Variants in PIAS1 observed in about 807,000 individuals in gnomAD.
The protein encoded by PIAS1 is E3 SUMO-protein ligase PIAS1.
In PIAS1, 6 loss-of-function variants were observed where a neutral mutation model predicts 71.3. The ratio of observed to expected loss-of-function variants is 0.08; its 90% CI spans 0.05 to 0.17. The LOEUF (loss-of-function observed/expected upper bound fraction) is 0.17. Among genes scored for constraint, PIAS1 ranks in the 10% least tolerant of loss-of-function variants. The probability of loss-of-function intolerance (pLI) is 1.00; values close to 1 mark genes in which losing one functional copy is unlikely to be tolerated. For synonymous variants in PIAS1, 303 were observed against 292.9 expected, an observed-to-expected ratio of 1.03 and a Z score of -0.35; for missense variants, 555 against 793.6, an observed-to-expected ratio of 0.70 and a Z score of 3.61.
intron 2 of PIAS1, among the ~76,000 whole-genome samples, chr15:68,107,885 AT>A (rs1485693496): frequency 6.6e-6 from 1 of 152,158 alleles, no homozygotes; most frequent in Non-Finnish European, 1.5e-5. Flanking sequence ...GTGAAATATT[AT>A]TTTAAATGAT....
At position 68,153,475 on chromosome 15, in the gene PIAS1, C is replaced by T. The variant is rs574389350; in HGVS notation, c.829-115C>T. 1.6e-4 allele frequency: 93 copies of T among 594,388 alleles called. 2 individuals are homozygous for T. The South Asian group carries it at 1.9e-3, about 12-fold the overall frequency. 36.8% of individuals were successfully genotyped at this position (594,388 alleles called of 1,614,324 possible). On this transcript the variant is annotated intron_variant, in intron 6 of 13. Transcript: ENST00000249636. Reference sequence around the variant, plus strand: ...CATGAAAACACCTAAGACTGCTTGACACACAGTAGGTGTTTTAAGAAGTGT... The same window carrying T: ...CATGAAAACACCTAAGACTGCTTGATACACAGTAGGTGTTTTAAGAAGTGT...
intron 7 of PIAS1, among the ~76,000 whole-genome samples, chr15:68,157,329 G>T (rs1432747133): frequency 3.9e-5 from 6 of 152,086 alleles, no homozygotes; most frequent in African/African-American, 1.2e-4. Flanking sequence ...ACTCTGTGCT[G>T]TCAAGACTCT....
At chr15:68,159,621 C>A (rs886585170) in intron 7 of PIAS1, among the ~76,000 whole-genome samples, 1 of 152,116 alleles carries the variant, frequency 6.6e-6, no homozygotes, top group South Asian at 2.1e-4. Flanking sequence ...TTTTGAAGTT[C>A]ATCCATGTAG....
intron 7 of PIAS1, among the ~76,000 whole-genome samples, chr15:68,163,829 AGACT>A (rs2092940029): frequency 6.6e-6 from 1 of 152,170 alleles, no homozygotes; most frequent in African/African-American, 2.4e-5. Flanking sequence ...TGTACAATAT[AGACT>A]TTAAAGTTAT....
At chr15:68,068,092 G>T (rs2092048831) in intron 1 of PIAS1, among the ~76,000 whole-genome samples, 3 of 152,130 alleles carry the variant, frequency 2.0e-5, no homozygotes. Context: ...ATATGTATAG[G>T]GTGAACGTGG....
rs1052176258 is a variant in PIAS1 at position 68,188,568 on chromosome 15, A to G, written c.*733A>G. 2 of 152,214 alleles carry G rather than the reference A, an allele frequency of 1.3e-5. No homozygotes were observed. The highest frequency in any genetic ancestry group is 2.9e-5 in the Non-Finnish European group (2 of 68,050). The allele number at this position is 152,214 out of a possible 1,614,324, so 9.4% of individuals were successfully genotyped here. ...AACTCACGTGTGAGCATCTTTATCA[A>G]CTATCCCAATTGCATGTTCTCCATC... is the stretch of plus-strand genomic sequence containing the variant. On this transcript the variant is annotated 3_prime_UTR_variant, in exon 14 of 14. Coordinates refer to ENST00000249636, the MANE Select transcript of PIAS1 (RefSeq NM_016166.3).
intron 1 of PIAS1, among the ~76,000 whole-genome samples, chr15:68,073,150 G>C (rs894777312): frequency 6.6e-6 from 1 of 152,144 alleles, no homozygotes. Context: ...TGAGTAGCTG[G>C]GACTACAGGT....
intron 7 of PIAS1, chr15:68,154,089 G>A (rs994371859): frequency 2.5e-5 from 4 of 160,552 alleles, no homozygotes; most frequent in Non-Finnish European, 4.1e-5. Context: ...AGCCAGTGGG[G>A]TGGTAGAAAT....
chr15:68,122,402 T>C (rs1256314936), intron 2 of PIAS1, among the ~76,000 whole-genome samples: 1 of 152,174 alleles, frequency 6.6e-6, no homozygotes, highest in Non-Finnish European at 1.5e-5. Context: ...AAGAATCACT[T>C]GTGAGCCAGA....
At chr15:68,098,470 T>G in intron 2 of PIAS1, among the ~76,000 whole-genome samples, 1 of 152,210 alleles carries the variant, frequency 6.6e-6, no homozygotes, top group Non-Finnish European at 1.5e-5. Flanking sequence ...GAAGAAAATC[T>G]GTGTATAAAT....
intron 2 of PIAS1, among the ~76,000 whole-genome samples, chr15:68,093,485 A>G (rs1391151371): frequency 1.3e-5 from 2 of 152,208 alleles, no homozygotes; most frequent in South Asian, 2.1e-4. Flanking sequence ...GTTAATCATA[A>G]TATCAGTTAA....
intron 1 of PIAS1, among the ~76,000 whole-genome samples, chr15:68,069,608 C>T (rs573309853): frequency 6.6e-6 from 1 of 152,102 alleles, no homozygotes; most frequent in South Asian, 2.1e-4. Flanking sequence ...CGAGACCATC[C>T]CGGCTAACAC....
At chr15:68,075,208 C>T (rs1407096991) in intron 1 of PIAS1, among the ~76,000 whole-genome samples, 1 of 150,866 alleles carries the variant, frequency 6.6e-6, no homozygotes, top group Non-Finnish European at 1.5e-5. Context: ...GCCTCAGCCT[C>T]CTGAGTAGCT....
Position 68,173,881 on chromosome 15 carries a change from T to C in PIAS1, c.1158T>C (p.Leu386=). The C allele has an allele frequency of 6.5e-7, 1 of 1,541,472 alleles. No homozygotes were observed. The highest frequency in any genetic ancestry group is 8.8e-7 in the Non-Finnish European group (1 of 1,133,014). ...ATAAGAAGGCTCCATATGAACACCTTATTATTGATGGGTATGTTACTTTAA... is the reference window on the plus strand; with the variant it reads ...ATAAGAAGGCTCCATATGAACACCTCATTATTGATGGGTATGTTACTTTAA... ...VCDKKAPYEH[L]IIDGLFMEIL... Residue 386 remains leucine (L), a synonymous_variant, in exon 9 of 14, where the codon CTT becomes CTC. Transcript: ENST00000249636. The surrounding 1 kb of genome is among the most constrained non-coding windows in gnomAD (Gnocchi z 4.3).
At chr15:68,088,176 G>GTATATATATATATATATATATATATATA (rs71455574) in intron 2 of PIAS1, among the ~76,000 whole-genome samples, 11 of 72,988 alleles carry the variant, frequency 1.5e-4, no homozygotes, top group African/African-American at 1.9e-4. Context: ...TTATGTGTGT[G>GTATATATATATATATATATATATATATA]TATATATATA....
At position 68,189,948 on chromosome 15, in the gene PIAS1, T is replaced by C. The variant is rs2141114788; in HGVS notation, c.*2113T>C. ...AATTGTGGGGAGTTTTTTCTGATTTTTACATTGCTTTAGGAAACATTTTTA... is the reference window on the plus strand; with the variant it reads ...AATTGTGGGGAGTTTTTTCTGATTTCTACATTGCTTTAGGAAACATTTTTA... On this transcript the variant is annotated 3_prime_UTR_variant, in exon 14 of 14. Transcript: ENST00000249636. The C allele has an allele frequency of 6.6e-6, 1 of 152,240 alleles. No homozygotes were observed. The highest frequency in any genetic ancestry group is 1.9e-4 in the East Asian group (1 of 5,192). 9.4% of individuals were successfully genotyped at this position (152,240 alleles called of 1,614,324 possible).
intron 2 of PIAS1, among the ~76,000 whole-genome samples, chr15:68,129,888 T>G (rs773109293): frequency 5.9e-5 from 9 of 151,926 alleles, no homozygotes; most frequent in Non-Finnish European, 1.2e-4. Flanking sequence ...TATACCAAAT[T>G]TTTCATAATG....
chr15:68,168,353 A>G (rs888766985), intron 8 of PIAS1, among the ~76,000 whole-genome samples: 3 of 152,188 alleles, frequency 2.0e-5, no homozygotes, highest in Non-Finnish European at 4.4e-5. Context: ...TTTTGCAAGG[A>G]AAAAGCACGT....
intron 2 of PIAS1, among the ~76,000 whole-genome samples, chr15:68,103,778 G>C (rs542978001): frequency 6.6e-6 from 1 of 152,134 alleles, no homozygotes; most frequent in Non-Finnish European, 1.5e-5. Context: ...TGTATGTGCC[G>C]AAACTTTGTT....
Sources: allele counts gnomAD v4.1 joint callset (sites outside exome capture counted in the v4.1 genomes callset), GRCh38; gene constraint gnomAD v4.1.1; non-coding constraint Gnocchi (gnomAD v3.1); transcripts MANE v1.5; gene names NCBI Gene and HGNC (gene_info 2026-07-23, HGNC 2026-07-21).